The following BRF1 variants were observed in gnomAD, a reference collection of about 807,000 sequenced individuals.
BRF1 encodes transcription factor IIIB 90 kDa subunit.
Under a neutral mutation model 81.7 loss-of-function variants are expected in BRF1, and 59 were observed. That is an observed-to-expected ratio of 0.72 (90% CI 0.59 to 0.90). The LOEUF (loss-of-function observed/expected upper bound fraction) is 0.90, where lower values mean the gene tolerates loss of function less well. BRF1 is among the 40% of genes least tolerant of loss of function. BRF1 has a pLI of 0.00. For synonymous variants in BRF1, 491 were observed against 395.6 expected (o/e 1.24, Z -2.86); for missense variants, 1,050 against 936.3 (o/e 1.12, Z -1.58).
At chr14:105,225,946 G>A in intron 10 of BRF1, 123 bp downstream of exon 10, 2 of 1,047,732 alleles carry the variant, frequency 1.9e-6, no homozygotes, top group Middle Eastern at 3.2e-4. Context: ...CTGCCCGGTG[G>A]TAAACTTACA....
At chr14:105,219,293 G>A in intron 12 of BRF1, 61 bp from the exon 13 acceptor site, 1 of 1,597,326 alleles carries the variant, frequency 6.3e-7, no homozygotes, top group Non-Finnish European at 8.6e-7. Flanking sequence ...GCATGCTAAG[G>A]TCGCGCTGGC....
At chr14:105,298,946 G>A (rs1419177853) in intron 1 of BRF1, among the ~76,000 whole-genome samples, 1 of 151,988 alleles carries the variant, frequency 6.6e-6, no homozygotes, top group Non-Finnish European at 1.5e-5. Flanking sequence ...CGAGGTAGGC[G>A]GATCACGAGG....
Position 105,300,826 on chromosome 14 carries a change from G to T in BRF1, c.-197C>A. On this transcript the variant is annotated 5_prime_UTR_variant, in exon 1 of 18. Transcript: ENST00000547530. ...CGCCGCCCGCAACGGCCGCGCCCGC[G>T]GGATGGGACAGGCACCGGGACCACG... The T allele has an allele frequency of 4.9e-6, 1 of 202,368 alleles. No homozygotes were observed. The highest frequency in any genetic ancestry group is 9.3e-6 in the Non-Finnish European group (1 of 107,446). 12.5% of individuals were successfully genotyped at this position (202,368 alleles called of 1,614,324 possible).
Position 105,210,718 on chromosome 14 carries a change from C to T in BRF1, c.1997-130G>A. The T allele has an allele frequency of 2.8e-6, 3 of 1,072,522 alleles. No homozygotes were observed. The highest frequency in any genetic ancestry group is 1.5e-5 in the South Asian group (1 of 68,052). The allele number at this position is 1,072,522 out of a possible 1,614,324, so 66.4% of individuals were successfully genotyped here. A position where few individuals can be genotyped will look rare whatever the true frequency, so the allele number is the denominator to read the frequency against. On this transcript the variant is annotated intron_variant, in intron 17 of 17. Coordinates refer to ENST00000547530, the MANE Select transcript of BRF1 (RefSeq NM_001519.4). This position sits in a 1 kb window ranked among gnomAD's most constrained non-coding sequence, Gnocchi z 4.7. ...CAGCCCCAGCCCCAGCCCCCCGCGC[C>T]CCGCCAGGAGCCATCTTGGGCTCCT...
chr14:105,243,438 GCA>G, intron 5 of BRF1, among the ~76,000 whole-genome samples: 1 of 147,868 alleles, frequency 6.8e-6, no homozygotes, highest in African/African-American at 2.5e-5. Flanking sequence ...CGACAGAGCA[GCA>G]AGACTCTGTC....
chr14:105,256,842 G>A (rs1227944263), intron 3 of BRF1, among the ~76,000 whole-genome samples: 1 of 152,134 alleles, frequency 6.6e-6, no homozygotes, highest in African/African-American at 2.4e-5. Flanking sequence ...AACGGTGGGG[G>A]CTTCCATCTG....
At chr14:105,299,574 C>T (rs1334748461) in intron 1 of BRF1, among the ~76,000 whole-genome samples, 1 of 151,942 alleles carries the variant, frequency 6.6e-6, no homozygotes, top group Non-Finnish European at 1.5e-5. Flanking sequence ...GATCCTGTCT[C>T]GAGATAAATA....
chr14:105,252,475 C>T (rs368101109), intron 5 of BRF1, 32 bp downstream of exon 5: 32 of 1,608,168 alleles, frequency 2.0e-5, no homozygotes, highest in Middle Eastern at 1.7e-4. Context: ...AGCAGCCTGC[C>T]GGACACCCCA....
chr14:105,229,671 C>G (rs1179054994), intron 6 of BRF1, among the ~76,000 whole-genome samples: 5 of 149,264 alleles, frequency 3.3e-5, no homozygotes, highest in Non-Finnish European at 3.0e-5. Context: ...CCCCGTGGCA[C>G]CCTCAGGAGC....
chr14:105,219,664 G>C (rs769994542), intron 12 of BRF1: 10 of 399,930 alleles, frequency 2.5e-5, no homozygotes, highest in Non-Finnish European at 4.6e-5. Context: ...AGTATATTGA[G>C]ATAAACTGCA....
intron 1 of BRF1, among the ~76,000 whole-genome samples, chr14:105,289,761 G>A (rs918455562): frequency 2.6e-5 from 4 of 152,130 alleles, no homozygotes; most frequent in Admixed American, 6.5e-5. Context: ...TCAGCCTCCT[G>A]AGTAGCTGGA....
intron 4 of BRF1, among the ~76,000 whole-genome samples, chr14:105,255,603 C>T (rs183882111): frequency 7.2e-5 from 11 of 152,336 alleles, no homozygotes; most frequent in Admixed American, 7.2e-4. Context: ...GAGTCCTCAG[C>T]AGCATGGTCA....
chr14:105,249,456 G>A lies in BRF1; in HGVS notation c.544+3051C>T, dbSNP rs377166086. On this transcript the variant is annotated intron_variant, in intron 5 of 17. Coordinates refer to ENST00000547530, the MANE Select transcript of BRF1 (RefSeq NM_001519.4). ...AATTCACATTCCAGACGTGGAGCCC[G>A]CAGCCTTTCTGATCCTCTTAAAGTA... The A allele has an allele frequency of 3.5e-5, 56 of 1,613,338 alleles. No homozygotes were observed. The highest frequency in any genetic ancestry group is 1.3e-4 in the African/African-American group (10 of 74,928).
intron 5 of BRF1, among the ~76,000 whole-genome samples, chr14:105,246,270 CA>C (rs1331013698): frequency 6.6e-6 from 1 of 152,028 alleles, no homozygotes; most frequent in East Asian, 1.9e-4. Flanking sequence ...ACACGCCATG[CA>C]AATAGCCAAC....
intron 3 of BRF1, among the ~76,000 whole-genome samples, chr14:105,268,267 C>T (rs1471630234): frequency 1.3e-5 from 2 of 152,282 alleles, no homozygotes; most frequent in African/African-American, 2.4e-5. Flanking sequence ...TCGACAATGG[C>T]AGAGGTGCTC....
chr14:105,256,040 G>C, intron 4 of BRF1: 1 of 622,276 alleles, frequency 1.6e-6, no homozygotes, highest in Non-Finnish European at 2.4e-6. Context: ...TGGGAGGATT[G>C]CTTGAGCCCA....
intron 7 of BRF1, chr14:105,228,311 G>C (rs1049213915): frequency 6.5e-6 from 1 of 152,882 alleles, no homozygotes; most frequent in Admixed American, 6.5e-5. Flanking sequence ...CCAGCACTTT[G>C]GGAGGCCAAG....
intron 5 of BRF1, chr14:105,250,173 A>T: frequency 2.5e-6 from 4 of 1,612,942 alleles, no homozygotes; most frequent in Non-Finnish European, 3.4e-6. Flanking sequence ...GCCACCAACA[A>T]GCCCCGCCTG....
At position 105,291,136 on chromosome 14, in the gene BRF1, C is replaced by G. The variant is rs587730967; in HGVS notation, c.185-4760G>C. On this transcript the variant is annotated intron_variant, in intron 1 of 17. Transcript: ENST00000547530. ...AGGGGCCAGGTCTTGTGGGGCCTGG[C>G]CAAGACTGCCCCCCTGTGTACAGCA... is the stretch of plus-strand genomic sequence containing the variant. Among the ~76,000 whole-genome samples, 4 of 152,302 alleles carry G rather than the reference C, an allele frequency of 2.6e-5. No homozygotes were observed. In the East Asian group the frequency reaches 5.8e-4, roughly 22 times the overall value.
Sources: gnomAD v4.1 joint callset for allele counts (sites outside exome capture counted in the v4.1 genomes callset) on GRCh38, gnomAD v4.1.1 for gene constraint, Gnocchi (gnomAD v3.1) non-coding constraint, MANE v1.5 for transcripts, NCBI Gene and HGNC (gene_info 2026-07-23, HGNC 2026-07-21) for gene names.